ADAMTS2: variants seen among roughly 807,000 people sequenced by gnomAD.
ADAMTS2 encodes ADAM metallopeptidase with thrombospondin type 1 motif 2.
A neutral mutation model predicts 123.0 loss-of-function variants in ADAMTS2; 50 were observed. The ratio of observed to expected loss-of-function variants is 0.41; its 90% CI spans 0.32 to 0.51. The LOEUF is 0.51. Among genes scored for constraint, ADAMTS2 ranks in the 20% least tolerant of loss-of-function variants. The probability of loss-of-function intolerance (pLI) is 0.35; values close to 1 mark genes in which losing one functional copy is unlikely to be tolerated. For missense variants in ADAMTS2, 1,494 were observed against 1,705.2 expected, an observed-to-expected ratio of 0.88 and a Z score of 2.18; for synonymous variants, 678 against 695.4, an observed-to-expected ratio of 0.98 and a Z score of 0.39.
chr5:179,121,896 C>T lies in ADAMTS2; in HGVS notation c.3089-146G>A, dbSNP rs1442136028. On this transcript the variant is annotated intron_variant, in intron 20 of 21. Transcript: ENST00000251582. ...CGGGCGGACAAAGGGTCCTCCGCTG[C>T]CAAGTCCACGCCCACCTCCTGCCCC... 3 of 527,982 alleles carry T rather than the reference C, an allele frequency of 5.7e-6. No homozygotes were observed. The Admixed American group carries it at 1.1e-4, about 19-fold the overall frequency. The allele number at this position is 527,982 out of a possible 1,614,324, so 32.7% of individuals were successfully genotyped here.
intron 2 of ADAMTS2, among the ~76,000 whole-genome samples, chr5:179,327,975 C>G (rs185545353): frequency 5.9e-5 from 9 of 152,222 alleles, no homozygotes; most frequent in African/African-American, 2.2e-4. Context: ...AATAGAGAAA[C>G]TCATATATCT....
At chr5:179,150,227 C>T (rs1763329382) in intron 10 of ADAMTS2, among the ~76,000 whole-genome samples, 1 of 152,108 alleles carries the variant, frequency 6.6e-6, no homozygotes, top group Non-Finnish European at 1.5e-5. Flanking sequence ...GGGCGGGGAG[C>T]CATGCTTAGC....
At chr5:179,284,548 G>A (rs891381604) in intron 2 of ADAMTS2, among the ~76,000 whole-genome samples, 2 of 151,856 alleles carry the variant, frequency 1.3e-5, no homozygotes, top group Admixed American at 1.3e-4. Context: ...CACCATGCCT[G>A]GCTAATTTTT....
chr5:179,253,645 C>CA lies in ADAMTS2; in HGVS notation c.688+19265dup, dbSNP rs373290836. On this transcript the variant is annotated intron_variant, in intron 3 of 21. Coordinates refer to ENST00000251582, the MANE Select transcript of ADAMTS2 (RefSeq NM_014244.5). ...TGGGTAACAAAGTGAGACTCCATCT[C>CA]AAAAAAAAAAAAAGGCATCCCTTTT... Among the ~76,000 whole-genome samples, 946 of 138,572 alleles carry CA rather than the reference C, an allele frequency of 6.8e-3. 10 individuals carry two copies. The highest frequency in any genetic ancestry group is 0.023 in the African/African-American group (835 of 36,858). The allele number at this position is 138,572 out of a possible 152,430, so 90.9% of individuals were successfully genotyped here. A position where few individuals can be genotyped will look rare whatever the true frequency, so the allele number is the denominator to read the frequency against.
intron 3 of ADAMTS2, among the ~76,000 whole-genome samples, chr5:179,230,765 C>G (rs1454669310): frequency 6.6e-6 from 1 of 152,232 alleles, no homozygotes; most frequent in African/African-American, 2.4e-5. Context: ...AATCCCAGCA[C>G]TTTGGGAGGC....
At chr5:179,238,072 G>A (rs1765570685) in intron 3 of ADAMTS2, among the ~76,000 whole-genome samples, 1 of 152,168 alleles carries the variant, frequency 6.6e-6, no homozygotes, top group Admixed American at 6.5e-5. Context: ...GAGACTTTGG[G>A]GAGGCTGTGC....
chr5:179,320,937 A>C (rs1757150708), intron 2 of ADAMTS2, among the ~76,000 whole-genome samples: 2 of 152,180 alleles, frequency 1.3e-5, no homozygotes, highest in South Asian at 2.1e-4. Context: ...TGAAATCGAC[A>C]CAGAGGAGAG....
At chr5:179,164,149 C>CCT (rs138742757) in intron 5 of ADAMTS2, among the ~76,000 whole-genome samples, 1 of 152,006 alleles carries the variant, frequency 6.6e-6, no homozygotes, top group Non-Finnish European at 1.5e-5. Flanking sequence ...GCTTGTGCTT[C>CCT]CTCTCTCTCT....
In ADAMTS2 at chr5:179,202,134, A is replaced by G. The variant is rs1368352140; in HGVS notation, c.891+5379T>C. Among the ~76,000 whole-genome samples, 1 of 152,092 alleles carries G rather than the reference A, an allele frequency of 6.6e-6. No homozygotes were observed. On this transcript the variant is annotated intron_variant, in intron 4 of 21. Transcript: ENST00000251582. This position sits in a 1 kb window ranked among gnomAD's most constrained non-coding sequence, Gnocchi z 4.0. Reference sequence around the variant, plus strand: ...CTCCAGTGATTTCCACTGCTCCCGGAGCCACAGGCGGCTCCCCTCCACCTC... The same window carrying G: ...CTCCAGTGATTTCCACTGCTCCCGGGGCCACAGGCGGCTCCCCTCCACCTC...
At chr5:179,305,808 G>A (rs781587422) in intron 2 of ADAMTS2, among the ~76,000 whole-genome samples, 9 of 152,024 alleles carry the variant, frequency 5.9e-5, no homozygotes, top group Non-Finnish European at 1.3e-4. Context: ...TATCACTAAT[G>A]ACATCACAGC....
chr5:179,173,212 TTAATAATAATAATAA>T (rs71589488), intron 5 of ADAMTS2, among the ~76,000 whole-genome samples: 29 of 145,176 alleles, frequency 2.0e-4, no homozygotes, highest in Non-Finnish European at 4.0e-4. Flanking sequence ...ACCCCATCTC[TTAATAATAATAATAA>T]TAATAATAAT....
chr5:179,324,146 G>A (rs755872619), intron 2 of ADAMTS2, among the ~76,000 whole-genome samples: 1 of 152,158 alleles, frequency 6.6e-6, no homozygotes, highest in Non-Finnish European at 1.5e-5. Flanking sequence ...CTGGGAGGAC[G>A]GGGTAATTGG....
chr5:179,194,910 C>T (rs1405800469), intron 4 of ADAMTS2, among the ~76,000 whole-genome samples: 5 of 152,164 alleles, frequency 3.3e-5, no homozygotes, highest in Non-Finnish European at 7.4e-5. Flanking sequence ...TTGTAGACCA[C>T]AAATCAACCT....
At position 179,125,019 on chromosome 5, in the gene ADAMTS2, C is replaced by T. The variant is rs767713272; in HGVS notation, c.2912G>A (p.Ser971Asn). The change falls in exon 19 of 22, where the codon AGC becomes AAC. Residue 971 changes from serine (S) to asparagine (N), a missense_variant. By Grantham distance (46) the Ser-to-Asn change is conservative (BLOSUM62 1). Around this residue, in one of 6 missense-constraint regions of ADAMTS2, gnomAD observed 953 missense variants for 1,124.7 expected, o/e 0.85. Coordinates refer to ENST00000251582, the MANE Select transcript of ADAMTS2 (RefSeq NM_014244.5). ...DARPESRRAC[S>N]RELCPGRWRA... ...CCAACGACCAGGGCAGAGCTCGCGG[C>T]TGCAGGCCCGGCGGCTCTCGGGCCG... 3 of 1,607,670 alleles carry T rather than the reference C, an allele frequency of 1.9e-6. No individual in the cohort carries two copies. Among genetic ancestry groups the T allele is most frequent in the Non-Finnish European group, 1.7e-6 (2 of 1,178,594 alleles).
chr5:179,323,504 G>T (rs760942860), intron 2 of ADAMTS2, among the ~76,000 whole-genome samples: 1 of 152,248 alleles, frequency 6.6e-6, no homozygotes, highest in Non-Finnish European at 1.5e-5. Context: ...GCCAGGGGCC[G>T]TTGGGACCTG....
chr5:179,158,933 TGGGG>T lies in ADAMTS2; in HGVS notation c.976-58_976-55del. 1 of 1,599,528 alleles carries T rather than the reference TGGGG, an allele frequency of 6.3e-7. No homozygotes were observed. The highest frequency in any genetic ancestry group is 8.5e-7 in the Non-Finnish European group (1 of 1,172,868). On this transcript the variant is annotated intron_variant, in intron 5 of 21. Transcript: ENST00000251582. The surrounding 1 kb of genome is among the most constrained non-coding windows in gnomAD (Gnocchi z 5.0). ...GAGAGGTTGGCGCCTGGTGGCCCAGTGGGGGGCCGAGCAGGCTGTAGTGTTGACA... is the reference window on the plus strand; with the variant it reads ...GAGAGGTTGGCGCCTGGTGGCCCAGTGGCCGAGCAGGCTGTAGTGTTGACA...
At chr5:179,344,882 C>T (rs943166564) in intron 1 of ADAMTS2, among the ~76,000 whole-genome samples, 6 of 152,180 alleles carry the variant, frequency 3.9e-5, no homozygotes, top group Non-Finnish European at 8.8e-5. Flanking sequence ...CTGGCTCCCC[C>T]CTCGGACCCG....
At chr5:179,146,238 C>T (rs1417693447) in intron 10 of ADAMTS2, among the ~76,000 whole-genome samples, 1 of 152,246 alleles carries the variant, frequency 6.6e-6, no homozygotes, top group East Asian at 1.9e-4. Flanking sequence ...ACCAAACAGG[C>T]AGCAGATGGA....
chr5:179,245,837 A>G (rs2113460170), intron 3 of ADAMTS2, among the ~76,000 whole-genome samples: 1 of 150,984 alleles, frequency 6.6e-6, no homozygotes, highest in Non-Finnish European at 1.5e-5. Flanking sequence ...GAGCTATATA[A>G]GAGTAATGTT....
Sources: allele counts gnomAD v4.1 joint callset (sites outside exome capture counted in the v4.1 genomes callset), GRCh38; gene constraint gnomAD v4.1.1; regional missense constraint gnomAD v4.1.1; non-coding constraint Gnocchi (gnomAD v3.1); transcripts MANE v1.5; gene names NCBI Gene and HGNC (gene_info 2026-07-23, HGNC 2026-07-21).